LOC128092252: variants seen among roughly 807,000 people sequenced by gnomAD.
the LOC128092252 span, among the ~76,000 whole-genome samples, chr15:50,656,337 T>C: frequency 6.6e-6 from 1 of 152,076 alleles, no homozygotes; most frequent in Non-Finnish European, 1.5e-5. Flanking sequence ...TCTTGCTCTG[T>C]TGCCCAGGCA....
At chr15:50,653,115 G>C in the LOC128092252 span, among the ~76,000 whole-genome samples, 5 of 152,132 alleles carry the variant, frequency 3.3e-5, no homozygotes, top group African/African-American at 1.2e-4. Context: ...CTGCACTCCA[G>C]TCTGGGCCAC....
At chr15:50,678,761 G>A in the LOC128092252 span, among the ~76,000 whole-genome samples, 2 of 152,118 alleles carry the variant, frequency 1.3e-5, no homozygotes, top group African/African-American at 4.8e-5. Context: ...CAGGTGCAGT[G>A]GCTTATGCCT....
the LOC128092252 span, among the ~76,000 whole-genome samples, chr15:50,664,355 C>T: frequency 6.7e-6 from 1 of 150,022 alleles, no homozygotes; most frequent in Admixed American, 6.6e-5. Context: ...AAATAAAACC[C>T]AGCTACATTC....
the LOC128092252 span, among the ~76,000 whole-genome samples, chr15:50,654,471 T>C: frequency 0.03 from 4,539 of 149,700 alleles, 267 homozygotes; most frequent in African/African-American, 0.11. Flanking sequence ...ATACTAGACA[T>C]ATAAAAAAGA....
chr15:50,680,811 T>C, the LOC128092252 span, among the ~76,000 whole-genome samples: 1 of 152,334 alleles, frequency 6.6e-6, no homozygotes, highest in South Asian at 2.1e-4. Context: ...AAAAGCCTTC[T>C]CCAAGTTTCT....
chr15:50,666,634 C>G, the LOC128092252 span, among the ~76,000 whole-genome samples: 1 of 152,060 alleles, frequency 6.6e-6, no homozygotes, highest in Non-Finnish European at 1.5e-5. Context: ...AGAAACCTGT[C>G]TCTACTAAAA....
chr15:50,673,741 G>T, the LOC128092252 span, among the ~76,000 whole-genome samples: 1 of 152,040 alleles, frequency 6.6e-6, no homozygotes. Context: ...ATAAACATGC[G>T]TACGCAAGTA....
At chr15:50,683,240 AAAAAACTGC>A in the LOC128092252 span, among the ~76,000 whole-genome samples, 13 of 152,086 alleles carry the variant, frequency 8.5e-5, no homozygotes, top group African/African-American at 3.1e-4. Flanking sequence ...ACTTAAAAAA[AAAAAACTGC>A]AATTTACTTA....
At chr15:50,654,936 G>C in the LOC128092252 span, among the ~76,000 whole-genome samples, 4 of 147,054 alleles carry the variant, frequency 2.7e-5, no homozygotes, top group African/African-American at 1.0e-4. Flanking sequence ...AGGATGCAGA[G>C]CTTGCAGTGA....
chr15:50,660,523 C>T, the LOC128092252 span, among the ~76,000 whole-genome samples: 4 of 152,178 alleles, frequency 2.6e-5, no homozygotes, highest in South Asian at 2.1e-4. Context: ...GGCGTGGTAG[C>T]GCATGCCTAT....
the LOC128092252 span, among the ~76,000 whole-genome samples, chr15:50,672,012 C>T: frequency 1.4e-4 from 22 of 152,092 alleles, 1 homozygote; most frequent in Admixed American, 7.9e-4. Context: ...CTAGACTACG[C>T]TTTTTATGGT....
chr15:50,673,633 C>CATATAT, the LOC128092252 span, among the ~76,000 whole-genome samples: 25 of 147,916 alleles, frequency 1.7e-4, no homozygotes, highest in African/African-American at 6.0e-4. Flanking sequence ...AGTATTCCCT[C>CATATAT]GTATATATAT....
At chr15:50,680,592 G>C in the LOC128092252 span, among the ~76,000 whole-genome samples, 4 of 150,590 alleles carry the variant, frequency 2.7e-5, no homozygotes, top group Non-Finnish European at 5.9e-5. Flanking sequence ...ACAAAAACCA[G>C]ACAACTGAGT....
the LOC128092252 span, among the ~76,000 whole-genome samples, chr15:50,679,538 A>ATATTTTTTTTTTTTTTT: frequency 1.4e-4 from 6 of 43,902 alleles, no homozygotes; most frequent in African/African-American, 6.4e-4. Flanking sequence ...ATATATATAT[A>ATATTTTTTTTTTTTTTT]TTTTTTTTTT....
At chr15:50,672,640 T>C in the LOC128092252 span, among the ~76,000 whole-genome samples, 37 of 151,924 alleles carry the variant, frequency 2.4e-4, no homozygotes, top group East Asian at 5.4e-3. Context: ...CCAGGTGCGG[T>C]GGCTCACGCC....
At chr15:50,677,618 A>C in the LOC128092252 span, among the ~76,000 whole-genome samples, 3 of 151,792 alleles carry the variant, frequency 2.0e-5, no homozygotes, top group Non-Finnish European at 4.4e-5. Context: ...ACGCGCCTGT[A>C]ATCCCGGCTA....
At chr15:50,673,066 AT>A in the LOC128092252 span, among the ~76,000 whole-genome samples, 1 of 151,276 alleles carries the variant, frequency 6.6e-6, no homozygotes, top group East Asian at 1.9e-4. Context: ...GCTAGCGTTA[AT>A]TTATTATTGA....
chr15:50,654,072 T>A, the LOC128092252 span, among the ~76,000 whole-genome samples: 5 of 152,240 alleles, frequency 3.3e-5, no homozygotes, highest in African/African-American at 1.2e-4. Flanking sequence ...AAAGAATCTA[T>A]CAAAAATTAA....
chr15:50,676,278 T>A, the LOC128092252 span, among the ~76,000 whole-genome samples: 25 of 152,214 alleles, frequency 1.6e-4, no homozygotes, highest in Admixed American at 6.5e-5. Context: ...AAAATTCTGC[T>A]GTTAAGGTAA....
Sources: allele counts gnomAD v4.1 joint callset (sites outside exome capture counted in the v4.1 genomes callset), GRCh38; gene constraint gnomAD v4.1.1; transcripts MANE v1.5.